Variants in ZNF654 observed in about 807,000 individuals in gnomAD.
ZNF654 encodes zinc finger protein 654, also known as melanoma-associated antigen.
A neutral mutation model predicts 95.3 loss-of-function variants in ZNF654; 19 were observed. That is an observed-to-expected ratio of 0.20 (90% CI 0.14 to 0.29). ZNF654 has a LOEUF of 0.29. ZNF654 is among the 10% of genes least tolerant of loss of function. The pLI is 1.00. For missense variants in ZNF654, 1,046 were observed against 1,341.0 expected (o/e 0.78, Z 3.44); for synonymous variants, 413 against 457.9 (o/e 0.90, Z 1.25).
intron 1 of ZNF654, among the ~76,000 whole-genome samples, chr3:88,083,090 C>A (rs1708165399): frequency 6.6e-6 from 1 of 151,952 alleles, no homozygotes; most frequent in Admixed American, 6.6e-5. Flanking sequence ...TCCTCCTCCT[C>A]ACCACCAATC....
At chr3:88,128,779 G>C in intron 4 of ZNF654, 30 bp from the exon 5 acceptor site, 1 of 1,443,332 alleles carries the variant, frequency 6.9e-7, no homozygotes, top group East Asian at 2.5e-5. Context: ...TTTCTTGAGA[G>C]TAATAGAGTC....
Position 88,140,198 on chromosome 3 carries a change from G to A in ZNF654, c.2529G>A (p.Gln843=), listed in dbSNP as rs1460363266. 1 of 1,613,626 alleles carries A rather than the reference G, an allele frequency of 6.2e-7. No individual in the cohort carries two copies. The highest frequency in any genetic ancestry group is 8.5e-7 in the Non-Finnish European group (1 of 1,179,750). Residue 843 remains glutamine, a synonymous_variant, in exon 8 of 9, where the codon CAG becomes CAA. Transcript: ENST00000636215. ...ACACAAAAAGTCACAGGATATTTCA[G>A]GCTCAGTGTAGTTTTCCAGAATGCC... is the stretch of plus-strand genomic sequence containing the variant. The part of the protein sequence containing the change: ...AQHTKSHRIF[Q]AQCSFPECHE...
At chr3:88,100,506 C>T (rs1279548788) in intron 2 of ZNF654, among the ~76,000 whole-genome samples, 1 of 150,826 alleles carries the variant, frequency 6.6e-6, no homozygotes, top group Non-Finnish European at 1.5e-5. Flanking sequence ...TCATGCTGCG[C>T]ACATGTATGT....
At chr3:88,078,908 AT>A (rs1163618029) in intron 1 of ZNF654, among the ~76,000 whole-genome samples, 211 of 151,634 alleles carry the variant, frequency 1.4e-3, no homozygotes, top group African/African-American at 4.8e-3. Flanking sequence ...TTCTCTGTGA[AT>A]TTTTTTTTGT....
At position 88,142,235 on chromosome 3, in the gene ZNF654, ATGAT is replaced by A. The variant is rs1321642801; in HGVS notation, c.*585_*588del. Reference sequence around the variant, plus strand: ...ATTAAAGATTGTAACAGGTTTCCAGATGATTAATTAGGTCAAAGTTCAATGAATG... The same window carrying A: ...ATTAAAGATTGTAACAGGTTTCCAGATAATTAGGTCAAAGTTCAATGAATG... On this transcript the variant is annotated 3_prime_UTR_variant, in exon 9 of 9. Coordinates refer to ENST00000636215, the MANE Select transcript of ZNF654 (RefSeq NM_001350134.2). 1 of 148,754 alleles carries A rather than the reference ATGAT, an allele frequency of 6.7e-6. No individual in the cohort carries two copies. The highest frequency in any genetic ancestry group is 2.6e-5 in the African/African-American group (1 of 38,438). The allele number at this position is 148,754 out of a possible 1,614,324, so 9.2% of individuals were successfully genotyped here. A position where few individuals can be genotyped will look rare whatever the true frequency, so the allele number is the denominator to read the frequency against.
At chr3:88,109,142 A>AGTGTGTGT (rs35595112) in intron 2 of ZNF654, among the ~76,000 whole-genome samples, 9,790 of 142,378 alleles carry the variant, frequency 0.069, 343 homozygotes, top group Middle Eastern at 0.077. Context: ...AGTGGGCACT[A>AGTGTGTGT]GTGTGTGTGT....
At chr3:88,102,006 A>G (rs536758568) in intron 2 of ZNF654, among the ~76,000 whole-genome samples, 3 of 151,570 alleles carry the variant, frequency 2.0e-5, no homozygotes, top group Admixed American at 6.6e-5. Flanking sequence ...ATTATTTGTC[A>G]TCTTACTGAG....
At chr3:88,069,907 A>G (rs1707412012) in intron 1 of ZNF654, among the ~76,000 whole-genome samples, 1 of 152,226 alleles carries the variant, frequency 6.6e-6, no homozygotes, top group Non-Finnish European at 1.5e-5. Flanking sequence ...GTCTCTCCAT[A>G]TTTAGATTTA....
At chr3:88,061,712 A>G (rs1298167421) in intron 1 of ZNF654, among the ~76,000 whole-genome samples, 1 of 152,190 alleles carries the variant, frequency 6.6e-6, no homozygotes, top group Non-Finnish European at 1.5e-5. Context: ...TAAGGGAAGC[A>G]GGGGGATTAT....
chr3:88,076,414 T>C (rs1707804334), intron 1 of ZNF654, among the ~76,000 whole-genome samples: 1 of 152,180 alleles, frequency 6.6e-6, no homozygotes, highest in African/African-American at 2.4e-5. Flanking sequence ...ACTTCTGATA[T>C]ATATCTCCTT....
intron 3 of ZNF654, among the ~76,000 whole-genome samples, chr3:88,121,754 G>A (rs571282294): frequency 1.3e-5 from 2 of 152,214 alleles, no homozygotes; most frequent in African/African-American, 4.8e-5. Flanking sequence ...CAAAGATTAC[G>A]TTTTTATAAT....
chr3:88,071,632 TC>T (rs1707518800), intron 1 of ZNF654, among the ~76,000 whole-genome samples: 1 of 75,430 alleles, frequency 1.3e-5, no homozygotes, highest in South Asian at 7.1e-4. Flanking sequence ...CGAGACTCCA[TC>T]TCAAAAACAA....
intron 1 of ZNF654, among the ~76,000 whole-genome samples, chr3:88,085,065 T>A (rs1404259888): frequency 1.3e-5 from 2 of 152,190 alleles, no homozygotes; most frequent in African/African-American, 4.8e-5. Flanking sequence ...AAAGATAAAG[T>A]CAGCTAGGAC....
At chr3:88,091,043 A>G (rs1172050634) in intron 2 of ZNF654, among the ~76,000 whole-genome samples, 7 of 152,216 alleles carry the variant, frequency 4.6e-5, no homozygotes, top group Admixed American at 2.0e-4. Context: ...ACAGTTGCCT[A>G]TGGTATTCAG....
At chr3:88,077,334 GT>G (rs1211322878) in intron 1 of ZNF654, among the ~76,000 whole-genome samples, 1 of 143,162 alleles carries the variant, frequency 7.0e-6, no homozygotes, top group African/African-American at 2.8e-5. Context: ...GACTTAAATT[GT>G]TTTTTTTTTT....
At chr3:88,066,980 G>T (rs1707238168) in intron 1 of ZNF654, among the ~76,000 whole-genome samples, 1 of 152,164 alleles carries the variant, frequency 6.6e-6, no homozygotes. Flanking sequence ...TTGGGAGGAG[G>T]TTGAATTGTA....
At chr3:88,107,229 C>T (rs1202251375) in intron 2 of ZNF654, among the ~76,000 whole-genome samples, 7 of 152,288 alleles carry the variant, frequency 4.6e-5, no homozygotes, top group East Asian at 1.9e-4. Flanking sequence ...GGAACACTAA[C>T]GCTGAATGAA....
intron 1 of ZNF654, among the ~76,000 whole-genome samples, chr3:88,074,737 T>C (rs1707707306): frequency 6.6e-6 from 1 of 152,184 alleles, no homozygotes; most frequent in Non-Finnish European, 1.5e-5. Context: ...TATACTAATA[T>C]TTCTGTCAAC....
intron 2 of ZNF654, 80 bp downstream of exon 2, chr3:88,086,482 G>T: frequency 8.2e-7 from 1 of 1,220,408 alleles, no homozygotes; most frequent in Non-Finnish European, 1.1e-6. Context: ...TTCTTCTGAA[G>T]AAGAAACCTT....
Sources: gnomAD v4.1 joint callset for allele counts (sites outside exome capture counted in the v4.1 genomes callset) on GRCh38, gnomAD v4.1.1 for gene constraint, MANE v1.5 for transcripts, NCBI Gene and HGNC (gene_info 2026-07-23, HGNC 2026-07-21) for gene names.